The following ERAP1 variants were observed in gnomAD, a reference collection of about 807,000 sequenced individuals.
ERAP1 encodes endoplasmic reticulum aminopeptidase 1, also known as adipocyte-derived leucine aminopeptidase.
A neutral mutation model predicts 103.7 loss-of-function variants in ERAP1; 86 were observed. The observed-to-expected ratio is 0.83, with a 90% CI of 0.70 to 0.99. The LOEUF (loss-of-function observed/expected upper bound fraction) is 0.99. ERAP1 is among the 50% of genes least tolerant of loss of function. ERAP1 has a pLI of 0.00. For missense variants in ERAP1, 1,009 were observed against 1,128.4 expected (o/e 0.89, Z 1.52); for synonymous variants, 398 against 402.4 (o/e 0.99, Z 0.13).
chr5:96,803,796 C>CCAT lies in ERAP1; in HGVS notation c.128_130dup (p.Asp43dup), dbSNP rs762910232. The CCAT allele has an allele frequency of 9.9e-6, 16 of 1,614,088 alleles. No individual in the cohort carries two copies. Among genetic ancestry groups the CCAT allele is most frequent in the Non-Finnish European group, 1.3e-5 (15 of 1,180,018 alleles). ...TATTTTATTCCAAGGAAATGGTGTC[C>CCAT]CATCACTACGTTTTGGAGATGCTTC... is the stretch of plus-strand genomic sequence containing the variant. On this transcript the variant is annotated inframe_insertion, in exon 2 of 19. Transcript: ENST00000443439.
chr5:96,790,082 G>T (rs13170045), intron 10 of ERAP1, among the ~76,000 whole-genome samples: 24,673 of 152,170 alleles, frequency 0.16, 2,270 homozygotes, highest in Non-Finnish European at 0.22. Context: ...TCAGTGAGAA[G>T]CATTACCAAG....
chr5:96,787,372 T>C (rs1161074045), intron 11 of ERAP1, among the ~76,000 whole-genome samples: 1 of 152,080 alleles, frequency 6.6e-6, no homozygotes, highest in Non-Finnish European at 1.5e-5. Flanking sequence ...TACAAGCGAT[T>C]CTCCTGCCTC....
chr5:96,864,726 T>C, the ERAP1 span, among the ~76,000 whole-genome samples: 11 of 152,322 alleles, frequency 7.2e-5, no homozygotes, highest in Non-Finnish European at 1.3e-4. Flanking sequence ...ATTTTATAAT[T>C]TTGATTTGGG....
At chr5:96,911,391 C>T in the ERAP1 span, among the ~76,000 whole-genome samples, 1 of 152,060 alleles carries the variant, frequency 6.6e-6, no homozygotes, top group East Asian at 1.9e-4. Flanking sequence ...GTCATATGCC[C>T]ACTTAGAATA....
chr5:96,844,988 T>C, the ERAP1 span, among the ~76,000 whole-genome samples: 3 of 152,224 alleles, frequency 2.0e-5, no homozygotes, highest in Admixed American at 1.3e-4. Flanking sequence ...TCTTCTCAGA[T>C]ACATCAGGTT....
intron 10 of ERAP1, among the ~76,000 whole-genome samples, chr5:96,789,481 T>C (rs1310048422): frequency 8.1e-6 from 1 of 123,184 alleles, no homozygotes; most frequent in Non-Finnish European, 1.8e-5. Context: ...AGTGAGACTC[T>C]GTCTCAAAAA....
the ERAP1 span, among the ~76,000 whole-genome samples, chr5:96,836,176 G>GTTTTTTTTTTTTTTTTT: frequency 9.4e-5 from 10 of 106,682 alleles, no homozygotes; most frequent in Non-Finnish European, 1.3e-4. Flanking sequence ...CACCTCTTTG[G>GTTTTTTTTTTTTTTTTT]TTTTTTTTTT....
At chr5:96,851,409 C>T in the ERAP1 span, among the ~76,000 whole-genome samples, 403 of 152,236 alleles carry the variant, frequency 2.6e-3, 6 homozygotes, top group Admixed American at 0.023. Flanking sequence ...GTAAAATGAA[C>T]TCTGGGAGAA....
chr5:96,906,530 A>G, the ERAP1 span, among the ~76,000 whole-genome samples: 6 of 152,312 alleles, frequency 3.9e-5, no homozygotes, highest in Admixed American at 1.3e-4. Context: ...GGCTTCCCCA[A>G]TTGCTGGGAT....
chr5:96,775,935 G>A lies in ERAP1; in HGVS notation c.*461C>T. The A allele has an allele frequency of 9.8e-7, 1 of 1,021,536 alleles. No individual in the cohort carries two copies. Among genetic ancestry groups the A allele is most frequent in the Non-Finnish European group, 1.2e-6 (1 of 849,506 alleles). The allele number at this position is 1,021,536 out of a possible 1,614,324, so 63.3% of individuals were successfully genotyped here. On this transcript the variant is annotated 3_prime_UTR_variant, in exon 19 of 19. Transcript: ENST00000443439. ...ATGGAGCAAGGAAGAGGGATGGGCA[G>A]CGGGTCTGGAGGGGTGAGCCGGGAG...
At chr5:96,831,100 C>G in the ERAP1 span, among the ~76,000 whole-genome samples, 5 of 152,152 alleles carry the variant, frequency 3.3e-5, no homozygotes, top group Non-Finnish European at 5.9e-5. Flanking sequence ...TCAGGCTGTA[C>G]AGGAAGCATA....
chr5:96,933,211 C>CTTTTT, the ERAP1 span, among the ~76,000 whole-genome samples: 335 of 72,788 alleles, frequency 4.6e-3, 3 homozygotes, highest in Middle Eastern at 9.3e-3. Flanking sequence ...AAAACCACGT[C>CTTTTT]TTTTTTTTTT....
At chr5:96,884,053 T>C in the ERAP1 span, 4 of 580,832 alleles carry the variant, frequency 6.9e-6, no homozygotes, top group African/African-American at 7.8e-5. Flanking sequence ...TATCTATCTA[T>C]CTATCTATCT....
At chr5:96,898,106 G>A in the ERAP1 span, among the ~76,000 whole-genome samples, 1 of 152,128 alleles carries the variant, frequency 6.6e-6, no homozygotes, top group Admixed American at 6.5e-5. Flanking sequence ...TAAGGCAGGA[G>A]AATCACTTGA....
intron 10 of ERAP1, among the ~76,000 whole-genome samples, chr5:96,789,029 C>T (rs1776420726): frequency 6.6e-6 from 1 of 152,158 alleles, no homozygotes; most frequent in South Asian, 2.1e-4. Flanking sequence ...GTTTTCAATA[C>T]CTACCTAACT....
rs1775171974 is a variant in ERAP1 at position 96,781,557 on chromosome 5, A to T, written c.2447+136T>A. 3 of 1,117,624 alleles carry T rather than the reference A, an allele frequency of 2.7e-6. No individual in the cohort carries two copies. In the Admixed American group the frequency reaches 5.2e-5, roughly 19 times the overall value. 69.2% of individuals were successfully genotyped at this position (1,117,624 alleles called of 1,614,324 possible). A position where few individuals can be genotyped will look rare whatever the true frequency, so the allele number is the denominator to read the frequency against. On this transcript the variant is annotated intron_variant, in intron 16 of 18. Coordinates refer to ENST00000443439, the MANE Select transcript of ERAP1 (RefSeq NM_001040458.3). The stretch of plus-strand genomic sequence containing the variant: ...TCCCTAATTATTTGCCTTTCTCATT[A>T]GATGTGTGCTGACTTGCAGTATGTT...
chr5:96,804,857 A>T (rs1162502098), intron 1 of ERAP1: 2 of 152,020 alleles, frequency 1.3e-5, no homozygotes, highest in Non-Finnish European at 2.9e-5. Flanking sequence ...GAGGCAGGAG[A>T]ATCGCTTGAA....
At chr5:96,864,641 C>T in the ERAP1 span, among the ~76,000 whole-genome samples, 394 of 152,128 alleles carry the variant, frequency 2.6e-3, 6 homozygotes, top group Non-Finnish European at 5.6e-4. Flanking sequence ...ATTGATTGTA[C>T]AAGAAACCTT....
intron 19 of ERAP1, among the ~76,000 whole-genome samples, chr5:96,768,730 C>T (rs1187698299): frequency 1.3e-5 from 2 of 152,180 alleles, no homozygotes; most frequent in African/African-American, 2.4e-5. Flanking sequence ...GGAGCTTCCT[C>T]CCCTTTTCTG....
Sources: allele counts gnomAD v4.1 joint callset (sites outside exome capture counted in the v4.1 genomes callset), GRCh38; gene constraint gnomAD v4.1.1; transcripts MANE v1.5; gene names NCBI Gene and HGNC (gene_info 2026-07-23, HGNC 2026-07-21).